The following ASCC1 variants were observed in gnomAD, a reference collection of about 807,000 sequenced individuals.
ASCC1 encodes the protein activating signal cointegrator 1 complex subunit 1.
ASCC1 carries 35 observed loss-of-function variants against 46.6 expected under a neutral mutation model. That is an observed-to-expected ratio of 0.75 (90% confidence interval 0.57 to 0.99). The LOEUF (loss-of-function observed/expected upper bound fraction) is 0.99. Among genes scored for constraint, ASCC1 ranks in the 50% least tolerant of loss-of-function variants. ASCC1 has a pLI of 0.00. For missense variants in ASCC1, 376 were observed against 428.7 expected (o/e 0.88, Z 1.09); for synonymous variants, 143 against 146.6 (o/e 0.98, Z 0.18).
At chr10:72,125,360 C>T (rs73273275) in intron 9 of ASCC1, among the ~76,000 whole-genome samples, 3,717 of 152,218 alleles carry the variant, frequency 0.024, 184 homozygotes, top group African/African-American at 0.086. Context: ...ATACAGTTAA[C>T]CTTTCTGTTT....
chr10:72,149,408 C>T (rs188170615), intron 7 of ASCC1, among the ~76,000 whole-genome samples: 2 of 145,320 alleles, frequency 1.4e-5, no homozygotes, highest in South Asian at 2.2e-4. Flanking sequence ...ACTGCACTCC[C>T]GCCTGGGCGA....
At chr10:72,198,881 A>G (rs552958214) in intron 4 of ASCC1, among the ~76,000 whole-genome samples, 11 of 152,248 alleles carry the variant, frequency 7.2e-5, no homozygotes, top group Non-Finnish European at 1.5e-4. Context: ...CAGTGGTACA[A>G]TCTCGGCTCA....
intron 7 of ASCC1, among the ~76,000 whole-genome samples, chr10:72,144,054 T>C (rs1186568627): frequency 2.6e-5 from 4 of 151,994 alleles, no homozygotes; most frequent in Non-Finnish European, 5.9e-5. Context: ...CTTGGCTCAC[T>C]GCAACCTCCA....
At chr10:72,149,741 A>G (rs529042817) in intron 7 of ASCC1, among the ~76,000 whole-genome samples, 1 of 152,354 alleles carries the variant, frequency 6.6e-6, no homozygotes, top group Non-Finnish European at 1.5e-5. Flanking sequence ...CTTAGAACAC[A>G]AAGTAAATGA....
At chr10:72,156,629 G>A (rs1186026531) in intron 6 of ASCC1, among the ~76,000 whole-genome samples, 3 of 152,008 alleles carry the variant, frequency 2.0e-5, no homozygotes, top group African/African-American at 4.8e-5. Flanking sequence ...AAAACTAGCC[G>A]GGCGTGGTGG....
chr10:72,183,621 C>T (rs1852982247), intron 5 of ASCC1, among the ~76,000 whole-genome samples: 1 of 151,664 alleles, frequency 6.6e-6, no homozygotes, highest in Admixed American at 6.6e-5. Context: ...TGCACTTCAG[C>T]CTGAGTATCT....
At position 72,152,937 on chromosome 10, in the gene ASCC1, G is replaced by A. The variant is rs1469454734; in HGVS notation, c.678C>T (p.Tyr226=). The A allele has an allele frequency of 5.6e-6, 9 of 1,614,084 alleles. No homozygotes were observed. The South Asian group carries it at 7.7e-5, about 14-fold the overall frequency. Residue 226 remains tyrosine (Y), a synonymous_variant, in exon 7 of 10, where the codon TAC becomes TAT. Transcript: ENST00000672957. ...PLEVEMAGIE[Y]MNDDPGMVDV... is the part of the protein sequence containing the mutation. ...CCACCATGCCAGGATCATCATTCAT[G>A]TATTCTATCCCTGCCATCTCCACTT...
At chr10:72,146,652 C>G (rs1250336483) in intron 7 of ASCC1, among the ~76,000 whole-genome samples, 1 of 152,126 alleles carries the variant, frequency 6.6e-6, no homozygotes, top group Admixed American at 6.5e-5. Context: ...AATGTAAAAG[C>G]TTCCTTAAAC....
intron 5 of ASCC1, among the ~76,000 whole-genome samples, chr10:72,171,142 T>C (rs561098290): frequency 1.3e-5 from 2 of 152,386 alleles, no homozygotes; most frequent in Admixed American, 1.3e-4. Flanking sequence ...TCAACTTTTC[T>C]GTGAGTTTAA....
At chr10:72,185,220 T>C (rs1374123233) in intron 5 of ASCC1, among the ~76,000 whole-genome samples, 3 of 152,190 alleles carry the variant, frequency 2.0e-5, no homozygotes, top group Non-Finnish European at 4.4e-5. Flanking sequence ...GATCTGACAG[T>C]TTCCTATTAA....
intron 5 of ASCC1, among the ~76,000 whole-genome samples, chr10:72,183,859 T>G (rs1032247105): frequency 6.6e-6 from 1 of 151,830 alleles, no homozygotes; most frequent in Non-Finnish European, 1.5e-5. Flanking sequence ...ATAAGAAATG[T>G]TAGGCTGGGC....
intron 5 of ASCC1, among the ~76,000 whole-genome samples, chr10:72,163,385 T>C (rs911508329): frequency 1.3e-5 from 2 of 152,144 alleles, no homozygotes; most frequent in East Asian, 1.9e-4. Flanking sequence ...AACAGATGAA[T>C]GGATAAACAA....
intron 5 of ASCC1, among the ~76,000 whole-genome samples, chr10:72,194,732 T>G (rs145579830): frequency 5.8e-4 from 88 of 152,194 alleles, no homozygotes; most frequent in Middle Eastern, 3.4e-3. Context: ...ATTTTTGTTT[T>G]GTTTTGTTTT....
chr10:72,197,906 A>AAAATAAATAAATAAATAAATAAATAAAT, intron 4 of ASCC1, among the ~76,000 whole-genome samples: 1 of 140,012 alleles, frequency 7.1e-6, no homozygotes, highest in African/African-American at 3.1e-5. Context: ...ACCCTGTCTC[A>AAAATAAATAAATAAATAAATAAATAAAT]AAATAAATAA....
chr10:72,167,638 CTTTTT>C (rs547602844), intron 5 of ASCC1, among the ~76,000 whole-genome samples: 1 of 133,744 alleles, frequency 7.5e-6, no homozygotes, highest in Non-Finnish European at 1.6e-5. Flanking sequence ...GTGTCTATGT[CTTTTT>C]TTTTTTTTTT....
chr10:72,190,926 G>A (rs1480801583), intron 5 of ASCC1, among the ~76,000 whole-genome samples: 1 of 148,768 alleles, frequency 6.7e-6, no homozygotes, highest in Non-Finnish European at 1.5e-5. Context: ...AACCCGGGAG[G>A]CGGAGGTTGC....
At chr10:72,177,426 T>C (rs1030816904) in intron 5 of ASCC1, among the ~76,000 whole-genome samples, 2 of 152,132 alleles carry the variant, frequency 1.3e-5, no homozygotes, top group Non-Finnish European at 2.9e-5. Context: ...CAGTGACTAA[T>C]ACTAACTGGA....
upstream of ASCC1, chr10:72,216,315 G>A (rs1859310147): frequency 1.2e-5 from 2 of 160,976 alleles, no homozygotes; most frequent in African/African-American, 4.8e-5. Context: ...TGCGCATGCG[G>A]GCCGAGGGCT....
chr10:72,203,569 A>G lies in ASCC1; in HGVS notation c.213-45T>C, dbSNP rs756073222. 2.2e-6 allele frequency: 3 copies of G among 1,350,710 alleles called. No individual in the cohort carries two copies. The African/African-American group carries it at 4.3e-5, about 19-fold the overall frequency. The allele number at this position is 1,350,710 out of a possible 1,614,324, so 83.7% of individuals were successfully genotyped here. On this transcript the variant is annotated intron_variant, in intron 3 of 9. Transcript: ENST00000672957. ...AAAGAAGATTAAGTCAAAATGTACC[A>G]AAATAAAGAACCTCATTATGTTTAA... is the stretch of plus-strand genomic sequence containing the variant.
Sources: gnomAD v4.1 joint callset for allele counts (sites outside exome capture counted in the v4.1 genomes callset) on GRCh38, gnomAD v4.1.1 for gene constraint, MANE v1.5 for transcripts, NCBI Gene and HGNC (gene_info 2026-07-23, HGNC 2026-07-21) for gene names.